STRN4: variants seen among roughly 807,000 people sequenced by gnomAD.
STRN4 encodes striatin-4.
STRN4 carries 27 observed loss-of-function variants against 77.9 expected under a neutral mutation model. The observed-to-expected ratio is 0.35, with a 90% CI of 0.26 to 0.48. The LOEUF (loss-of-function observed/expected upper bound fraction) is 0.48, where lower values mean the gene tolerates loss of function less well. Ranked by LOEUF, STRN4 falls within the 20% of genes least tolerant of loss-of-function variation. The pLI is 0.99. For missense variants in STRN4, 798 were observed against 1,049.7 expected (o/e 0.76, Z 3.31); for synonymous variants, 466 against 443.1 (o/e 1.05, Z -0.65).
chr19:46,728,513 C>T (rs1432281827), intron 7 of STRN4, 105 bp downstream of exon 7: 9 of 1,412,774 alleles, frequency 6.4e-6, no homozygotes, highest in Non-Finnish European at 7.5e-6. Context: ...ACATATCCGT[C>T]CGGTAGAGAG....
At chr19:46,722,194 G>A (rs1395423778) in intron 15 of STRN4, 48 bp downstream of exon 15, 26 of 1,601,288 alleles carry the variant, frequency 1.6e-5, no homozygotes, top group Non-Finnish European at 2.1e-5. Flanking sequence ...TCTGCTGCCT[G>A]CCTCTGGCCC....
intron 4 of STRN4, among the ~76,000 whole-genome samples, chr19:46,734,168 T>C (rs2054311567): frequency 6.6e-6 from 1 of 152,336 alleles, no homozygotes. Context: ...GGGGGCAGAT[T>C]GCCCAAGATC....
At chr19:46,722,131 G>C (rs370262611) in intron 15 of STRN4, 59 bp from the exon 16 acceptor site, 6 of 1,607,966 alleles carry the variant, frequency 3.7e-6, no homozygotes, top group Non-Finnish European at 4.3e-6. Flanking sequence ...GCCTGAGAGA[G>C]TGAAAGGACT....
chr19:46,732,770 C>T (rs2054281054), intron 5 of STRN4: 4 of 449,796 alleles, frequency 8.9e-6, no homozygotes, highest in South Asian at 6.1e-5. Context: ...AAGCACCCCA[C>T]TCGACCGAGA....
Position 46,727,550 on chromosome 19 carries a change from A to G in STRN4, c.1154-4T>C. 6.2e-7 allele frequency: 1 copy of G among 1,613,956 alleles called. No homozygotes were observed. Among genetic ancestry groups the G allele is most frequent in the Non-Finnish European group, 8.5e-7 (1 of 1,179,900 alleles). ...ATAGTGTCCATGATGAAGACGTCTGAGGAGAAGCCAAAGGAACCTGGTAGG... is the reference window on the plus strand; with the variant it reads ...ATAGTGTCCATGATGAAGACGTCTGGGGAGAAGCCAAAGGAACCTGGTAGG... On this transcript the variant is annotated splice_region_variant and splice_polypyrimidine_tract_variant and intron_variant, in intron 8 of 17. Coordinates refer to ENST00000263280, the MANE Select transcript of STRN4 (RefSeq NM_013403.3).
Position 46,720,590 on chromosome 19 carries a change from G to A in STRN4, c.*12C>T. 6.4e-7 allele frequency: 1 copy of A among 1,557,460 alleles called. No homozygotes were observed. Among genetic ancestry groups the A allele is most frequent in the Non-Finnish European group, 8.7e-7 (1 of 1,146,554 alleles). On this transcript the variant is annotated 3_prime_UTR_variant, in exon 17 of 18. Coordinates refer to ENST00000263280, the MANE Select transcript of STRN4 (RefSeq NM_013403.3). ...CAGCCAGCGTGGCGGCCAGGGCAGGGCCAGGTGGGCATCATACGAAGACCT... is the reference window on the plus strand; with the variant it reads ...CAGCCAGCGTGGCGGCCAGGGCAGGACCAGGTGGGCATCATACGAAGACCT...
At chr19:46,729,787 C>T (rs944460954) in intron 6 of STRN4, among the ~76,000 whole-genome samples, 1 of 152,204 alleles carries the variant, frequency 6.6e-6, no homozygotes, top group African/African-American at 2.4e-5. Context: ...GCTTCCTGGG[C>T]ACCAGCTCAT....
intron 12 of STRN4, among the ~76,000 whole-genome samples, chr19:46,724,192 A>G (rs1431815405): frequency 6.8e-6 from 1 of 147,440 alleles, no homozygotes; most frequent in East Asian, 2.0e-4. Flanking sequence ...AGGTTGCAGT[A>G]AGCCAAGATC....
chr19:46,732,954 G>A, intron 5 of STRN4, 85 bp downstream of exon 5: 1 of 1,493,944 alleles, frequency 6.7e-7, no homozygotes, highest in Non-Finnish European at 9.0e-7. Context: ...AGGGCACCCA[G>A]CGCCATCAGC....
intron 3 of STRN4, 26 bp from the exon 4 acceptor site, chr19:46,736,927 T>C: frequency 6.2e-7 from 1 of 1,607,462 alleles, no homozygotes; most frequent in Non-Finnish European, 8.5e-7. Flanking sequence ...ACGGAGGCTG[T>C]CTTAAGTCAG....
At chr19:46,721,818 G>A (rs888874360) in intron 16 of STRN4, 168 bp downstream of exon 16, 16 of 637,076 alleles carry the variant, frequency 2.5e-5, no homozygotes, top group Non-Finnish European at 4.4e-5. Flanking sequence ...CCAGAGGAGG[G>A]CCCCAGCGGA....
At chr19:46,740,413 C>G (rs2054453378) in intron 1 of STRN4, 1 of 152,126 alleles carries the variant, frequency 6.6e-6, no homozygotes, top group Admixed American at 6.5e-5. Flanking sequence ...ATATAAACAT[C>G]CAAGGCCAGA....
rs55882126 is a variant in STRN4, at chr19:46,738,516, T to C, written c.386+269A>G. ...AGGGCTAACAATACCCGTTAGGCTA[T>C]TGGAAGGTATAAGGGATAACGGAGG... On this transcript the variant is annotated intron_variant, in intron 2 of 17. Coordinates refer to ENST00000263280, the MANE Select transcript of STRN4 (RefSeq NM_013403.3). The surrounding 1 kb of genome is among the most constrained non-coding windows in gnomAD (Gnocchi z 4.5). Among the ~76,000 whole-genome samples, 137 of 152,290 alleles carry C rather than the reference T, an allele frequency of 9.0e-4. 1 individual carries two copies. The highest frequency in any genetic ancestry group is 3.4e-3 in the Middle Eastern group (1 of 294).
At chr19:46,720,799 T>C (rs1334465727) in intron 16 of STRN4, 28 bp from the exon 17 acceptor site, 1 of 1,524,610 alleles carries the variant, frequency 6.6e-7, no homozygotes, top group Non-Finnish European at 8.9e-7. Flanking sequence ...ACAGAAGGGG[T>C]GGTCACTGGG....
chr19:46,722,534 G>A (rs200921381), intron 14 of STRN4, among the ~76,000 whole-genome samples, 194 bp from the exon 15 acceptor site: 234 of 20,858 alleles, frequency 0.011, 2 homozygotes, highest in Admixed American at 0.025. Flanking sequence ...GTTTTGGGGC[G>A]GGGGAAGAGG....
intron 16 of STRN4, 92 bp from the exon 17 acceptor site, chr19:46,720,863 T>C: frequency 7.3e-7 from 1 of 1,378,958 alleles, no homozygotes; most frequent in Non-Finnish European, 9.6e-7. Flanking sequence ...TCCAAAGGCC[T>C]CAGGGGAAGT....
At position 46,722,228 on chromosome 19, in the gene STRN4, G is replaced by A. The variant is rs777842502; in HGVS notation, c.2005+14C>T. On this transcript the variant is annotated intron_variant, in intron 15 of 17. Transcript: ENST00000263280. The stretch of plus-strand genomic sequence containing the variant: ...CCTCCCCACCCACTACGAGCACAAG[G>A]GGCTAGGCCTCACCTGTCCGATTGT... 6.2e-7 allele frequency: 1 copy of A among 1,613,846 alleles called. No homozygotes were observed. Among genetic ancestry groups the A allele is most frequent in the African/African-American group, 1.3e-5 (1 of 75,058 alleles).
chr19:46,722,208 C>A, intron 15 of STRN4, 34 bp downstream of exon 15: 1 of 1,608,284 alleles, frequency 6.2e-7, no homozygotes, highest in South Asian at 1.1e-5. Context: ...CTGGCCCTCC[C>A]CACCCACTAC....
Position 46,724,249 on chromosome 19 carries a change from C to CAAAAA in STRN4, c.1594+553_1594+557dup, listed in dbSNP as rs71970589. Reference sequence around the variant, plus strand: ...GGTGACAGAGTGAGACTCTTTGTCTCAAAAAAAAAAAAAAAAAAAAAAAAA... The same window carrying CAAAAA: ...GGTGACAGAGTGAGACTCTTTGTCTCAAAAAAAAAAAAAAAAAAAAAAAAAAAAAA... On this transcript the variant is annotated intron_variant, in intron 12 of 17. Transcript: ENST00000263280. 9.3e-4 allele frequency among the ~76,000 whole-genome samples: 81 copies of CAAAAA among 87,174 alleles called. 3 individuals carry two copies. The highest frequency in any genetic ancestry group is 3.2e-3 in the East Asian group (5 of 1,582). The allele number at this position is 87,174 out of a possible 152,430, so 57.2% of individuals were successfully genotyped here.
Sources: allele counts gnomAD v4.1 joint callset (sites outside exome capture counted in the v4.1 genomes callset), GRCh38; gene constraint gnomAD v4.1.1; non-coding constraint Gnocchi (gnomAD v3.1); transcripts MANE v1.5; gene names NCBI Gene and HGNC (gene_info 2026-07-23, HGNC 2026-07-21).